Variants in WBP2NL observed in about 807,000 individuals in gnomAD.
WBP2NL encodes postacrosomal sheath WW domain-binding protein.
WBP2NL carries 27 observed loss-of-function variants against 23.3 expected under a neutral mutation model. The observed-to-expected ratio is 1.16, with a 90% CI of 0.85 to 1.60. WBP2NL has a LOEUF of 1.60. Ranked by LOEUF, WBP2NL falls within the 40% of genes most tolerant of loss-of-function variation. WBP2NL has a pLI of 0.00. For synonymous variants in WBP2NL, 151 were observed against 145.9 expected, an observed-to-expected ratio of 1.03 and a Z score of -0.25; for missense variants, 370 against 389.5, an observed-to-expected ratio of 0.95 and a Z score of 0.42.
intron 1 of WBP2NL, among the ~76,000 whole-genome samples, chr22:42,010,639 C>T (rs573215676): frequency 2.8e-4 from 43 of 152,164 alleles, no homozygotes; most frequent in African/African-American, 8.9e-4. Flanking sequence ...CCAAGGTTCA[C>T]GCCATTCTCC....
At chr22:42,041,352 C>T (rs1308546763) in intron 8 of WBP2NL, among the ~76,000 whole-genome samples, 1 of 151,938 alleles carries the variant, frequency 6.6e-6, no homozygotes, top group East Asian at 1.9e-4. Flanking sequence ...CGTGGTGGCA[C>T]ACACCTGTAG....
chr22:42,030,266 T>C (rs746352338), downstream of WBP2NL, among the ~76,000 whole-genome samples: 1 of 152,218 alleles, frequency 6.6e-6, no homozygotes, highest in African/African-American at 2.4e-5. Context: ...TTATGGGATA[T>C]TAGAATTAGA....
At chr22:42,023,861 C>T (rs772355160) in intron 5 of WBP2NL, among the ~76,000 whole-genome samples, 3 of 152,050 alleles carry the variant, frequency 2.0e-5, no homozygotes, top group Non-Finnish European at 4.4e-5. Context: ...TTAGGCTGGT[C>T]TCACACTCCT....
downstream of WBP2NL, among the ~76,000 whole-genome samples, chr22:42,028,911 C>T (rs1924732691): frequency 6.6e-6 from 1 of 152,222 alleles, no homozygotes; most frequent in Admixed American, 6.5e-5. Context: ...TTCGACTCCT[C>T]ACCCATTAAG....
At chr22:42,020,880 A>G (rs561590296) in intron 4 of WBP2NL, among the ~76,000 whole-genome samples, 37 of 20,950 alleles carry the variant, frequency 1.8e-3, no homozygotes, top group African/African-American at 4.2e-3. Flanking sequence ...ATATATATAT[A>G]TATATATATA....
intron 1 of WBP2NL, among the ~76,000 whole-genome samples, chr22:42,004,816 C>T (rs768778707): frequency 3.0e-4 from 46 of 151,870 alleles, no homozygotes; most frequent in Non-Finnish European, 4.7e-4. Context: ...CCCAACTACT[C>T]GGGAGGCCGA....
At chr22:42,026,361 A>C (rs190994932) in intron 5 of WBP2NL, among the ~76,000 whole-genome samples, 3 of 151,590 alleles carry the variant, frequency 2.0e-5, no homozygotes, top group African/African-American at 7.2e-5. Context: ...ATTCACAGAG[A>C]TTCTACAAAG....
At chr22:42,001,993 G>T in intron 1 of WBP2NL, 1 of 937,256 alleles carries the variant, frequency 1.1e-6, no homozygotes, top group Non-Finnish European at 1.5e-6. Context: ...GGCTGCTGTG[G>T]GATGGGACTG....
chr22:42,003,974 A>G (rs1187306361), intron 1 of WBP2NL, among the ~76,000 whole-genome samples: 1 of 152,212 alleles, frequency 6.6e-6, no homozygotes, highest in East Asian at 1.9e-4. Flanking sequence ...CAAATGGATA[A>G]TAAGAAGGGA....
In WBP2NL at chr22:42,056,370, A is replaced by G. The variant is rs182495577; in HGVS notation, c.*274-1920A>G. Among the ~76,000 whole-genome samples the G allele has an allele frequency of 1.5e-3, 229 of 152,292 alleles. 1 individual carries two copies. Among genetic ancestry groups the G allele is most frequent in the Middle Eastern group, 3.4e-3 (1 of 294 alleles). The stretch of plus-strand genomic sequence containing the variant: ...ATACATAGTCTACCCATCTTAGTTT[A>G]TAATTACTGCATTTAAGTTACCTTT... On this transcript the variant is annotated intron_variant and NMD_transcript_variant, in intron 8 of 8. Transcript: ENST00000436265.
intron 8 of WBP2NL, among the ~76,000 whole-genome samples, chr22:42,052,923 C>T (rs966158111): frequency 2.6e-5 from 4 of 152,340 alleles, no homozygotes; most frequent in Non-Finnish European, 4.4e-5. Context: ...GATAGGCAAC[C>T]GTAAGTACTG....
chr22:42,022,599 C>T (rs371638486), intron 5 of WBP2NL, among the ~76,000 whole-genome samples: 12 of 152,338 alleles, frequency 7.9e-5, no homozygotes, highest in African/African-American at 2.9e-4. Context: ...CTTGGCAATC[C>T]TGTTAGTGGG....
intron 1 of WBP2NL, among the ~76,000 whole-genome samples, chr22:42,007,310 A>G (rs1569446269): frequency 6.6e-6 from 1 of 152,222 alleles, no homozygotes; most frequent in East Asian, 1.9e-4. Context: ...CTACCTGTCA[A>G]AATGTTTCTT....
chr22:42,023,519 T>C (rs1924167854), intron 5 of WBP2NL, among the ~76,000 whole-genome samples: 1 of 151,786 alleles, frequency 6.6e-6, no homozygotes, highest in South Asian at 2.1e-4. Flanking sequence ...TTTTGTTTTT[T>C]TGAGAGGGAG....
chr22:42,048,378 C>G (rs1925680164), intron 8 of WBP2NL, among the ~76,000 whole-genome samples: 1 of 148,434 alleles, frequency 6.7e-6, no homozygotes, highest in African/African-American at 2.6e-5. Context: ...TAGAGCAAGA[C>G]TCCATCTCAA....
intron 5 of WBP2NL, among the ~76,000 whole-genome samples, chr22:42,024,298 G>A (rs2146796854): frequency 6.6e-6 from 1 of 152,218 alleles, no homozygotes; most frequent in East Asian, 1.9e-4. Context: ...GCTGCTATGA[G>A]CATTTGTATA....
chr22:42,014,108 G>A (rs1029304032), intron 1 of WBP2NL, among the ~76,000 whole-genome samples: 2 of 151,074 alleles, frequency 1.3e-5, no homozygotes, highest in Admixed American at 1.3e-4. Flanking sequence ...TTTAGTAGAG[G>A]TGAGGTTTCA....
chr22:42,052,884 G>A (rs1265599293), intron 8 of WBP2NL, among the ~76,000 whole-genome samples: 1 of 152,168 alleles, frequency 6.6e-6, no homozygotes, highest in Non-Finnish European at 1.5e-5. Context: ...CAGTCAGGAG[G>A]CAAAAGCCAT....
Position 42,023,699 on chromosome 22 carries a change from G to C in WBP2NL, c.514+1343G>C, listed in dbSNP as rs577663251. Among the ~76,000 whole-genome samples the C allele has an allele frequency of 7.3e-5, 11 of 151,642 alleles. No individual in the cohort carries two copies. The East Asian group carries it at 2.1e-3, about 30-fold the overall frequency. On this transcript the variant is annotated intron_variant, in intron 5 of 5. Coordinates refer to ENST00000328823, the MANE Select transcript of WBP2NL (RefSeq NM_152613.3). ...TTTAGTAGAGACGGGATTTCACTGT[G>C]TTAGCCAGGATGGTCTCGATCTCCT...
Sources: gnomAD v4.1 joint callset for allele counts (sites outside exome capture counted in the v4.1 genomes callset) on GRCh38, gnomAD v4.1.1 for gene constraint, MANE v1.5 for transcripts, NCBI Gene and HGNC (gene_info 2026-07-23, HGNC 2026-07-21) for gene names.